Variants in BMP2 observed in about 807,000 individuals in gnomAD.
BMP2 encodes the protein bone morphogenetic protein 2A.
In BMP2, 2 loss-of-function variants were observed where a neutral mutation model predicts 28.8. That is an observed-to-expected ratio of 0.07 (90% confidence interval 0.03 to 0.22). The LOEUF (loss-of-function observed/expected upper bound fraction) is 0.22. Ranked by LOEUF, BMP2 falls within the 10% of genes least tolerant of loss-of-function variation. The pLI is 1.00. For missense variants in BMP2, 437 were observed against 517.7 expected (o/e 0.84, Z 1.51); for synonymous variants, 218 against 204.3 (o/e 1.07, Z -0.57).
At position 6,772,436 on chromosome 20, in the gene BMP2, A is replaced by C. The variant is rs768495682; in HGVS notation, c.346+1964A>C. Among the ~76,000 whole-genome samples the C allele has an allele frequency of 1.0e-3, 159 of 152,340 alleles. 1 individual carries two copies. The highest frequency in any genetic ancestry group is 1.7e-3 in the Non-Finnish European group (119 of 68,024). On this transcript the variant is annotated intron_variant, in intron 2 of 2. Transcript: ENST00000378827. ...CATTTCTTGTCTCATTATGACTAAT[A>C]TATCATCCTTAATCTGGATGGATAT...
chr20:6,775,545 CACTA>C (rs373366003), intron 2 of BMP2, among the ~76,000 whole-genome samples: 105 of 152,248 alleles, frequency 6.9e-4, no homozygotes, highest in African/African-American at 2.4e-3. Flanking sequence ...TTCTTAAGGC[CACTA>C]ACTGATTCTC....
rs1045169209 is a variant in BMP2 at position 6,779,881 on chromosome 20, C to A, written c.*792C>A. On this transcript the variant is annotated 3_prime_UTR_variant, in exon 3 of 3. Transcript: ENST00000378827. ...GGAAAGTGAATGATGGTTTGTTGTT[C>A]TTCTTTCCTAAATTAGTGATCCCTT... 2 of 152,232 alleles carry A rather than the reference C, an allele frequency of 1.3e-5. No individual in the cohort carries two copies. The highest frequency in any genetic ancestry group is 6.5e-5 in the Admixed American group (1 of 15,282). The allele number at this position is 152,232 out of a possible 1,614,324, so 9.4% of individuals were successfully genotyped here. A position where few individuals can be genotyped will look rare whatever the true frequency, so the allele number is the denominator to read the frequency against.
rs998225025 is a variant in BMP2, at chr20:6,768,648, C to G, written c.-235C>G. The G allele has an allele frequency of 1.0e-5, 4 of 396,324 alleles. No homozygotes were observed. The highest frequency in any genetic ancestry group is 6.2e-5 in the African/African-American group (3 of 48,588). 24.6% of individuals were successfully genotyped at this position (396,324 alleles called of 1,614,324 possible). On this transcript the variant is annotated 5_prime_UTR_variant, in exon 1 of 3. Transcript: ENST00000378827. ...CCCAGCGGAGCCTGCTTCGCCATCT[C>G]CGAGCCCCACCGCCCCTCCACTCCT...
chr20:6,778,336 C>T lies in BMP2; in HGVS notation c.438C>T (p.Thr146=), dbSNP rs745798532. Residue 146 remains threonine, a synonymous_variant, in exon 3 of 3, where the codon ACC becomes ACT. Transcript: ENST00000378827. This position sits in a 1 kb window ranked among gnomAD's most constrained non-coding sequence, Gnocchi z 5.0. ...LSSIPTEEFI[T]SAELQVFREQ... The stretch of plus-strand genomic sequence containing the variant: ...CTATCCCCACGGAGGAGTTTATCAC[C>T]TCAGCAGAGCTTCAGGTTTTCCGAG... 1.2e-5 allele frequency: 20 copies of T among 1,614,186 alleles called. No homozygotes were observed. Among genetic ancestry groups the T allele is most frequent in the Non-Finnish European group, 1.7e-5 (20 of 1,180,026 alleles).
Position 6,770,215 on chromosome 20 carries a change from G to T in BMP2, c.89G>T (p.Arg30Leu). Residue 30 changes from arginine to leucine, a missense_variant, in exon 2 of 3, where the codon CGC becomes CTC. Around this residue, in one of 2 missense-constraint regions of BMP2, gnomAD observed 363 missense variants for 392.8 expected, o/e 0.92. Coordinates refer to ENST00000378827, the MANE Select transcript of BMP2 (RefSeq NM_001200.4). ...GCTGGCCTCGTTCCGGAGCTGGGCC[G>T]CAGGAAGTTCGCGGCGGCGTCGTCG... ...GAAGLVPELG[R>L]RKFAAASSGR... The T allele has an allele frequency of 1.3e-6, 2 of 1,596,118 alleles. No homozygotes were observed. The highest frequency in any genetic ancestry group is 1.7e-6 in the Non-Finnish European group (2 of 1,172,322).
chr20:6,769,929 C>A (rs1448806088), intron 1 of BMP2, among the ~76,000 whole-genome samples, 191 bp from the exon 2 acceptor site: 4 of 152,124 alleles, frequency 2.6e-5, no homozygotes, highest in Admixed American at 2.6e-4. Flanking sequence ...TCATCTGGTT[C>A]AGGAACTTGG....
rs1024392861 is a variant in BMP2, at chr20:6,768,830, G to A, written c.-53G>A. ...TTTTCCATGTGGACGCTCTTTCAAT[G>A]GACGTGTCCCCGCGTGCTTCTTAGA... On this transcript the variant is annotated 5_prime_UTR_variant, in exon 1 of 3. It removes an upstream start codon present in the reference 5' UTR. Transcript: ENST00000378827. The A allele has an allele frequency of 2.5e-6, 1 of 398,632 alleles. No individual in the cohort carries two copies. The highest frequency in any genetic ancestry group is 4.4e-5 in the Admixed American group (1 of 22,742). 24.7% of individuals were successfully genotyped at this position (398,632 alleles called of 1,614,324 possible).
In BMP2 at chr20:6,779,472, G is replaced by A. The variant is rs1266923253; in HGVS notation, c.*383G>A. On this transcript the variant is annotated 3_prime_UTR_variant, in exon 3 of 3. Coordinates refer to ENST00000378827, the MANE Select transcript of BMP2 (RefSeq NM_001200.4). ...TTATATGTAATCAAAAGAAGTATCG[G>A]GTTTGTACATAATTTTCCAAAAATT... 3 of 152,516 alleles carry A rather than the reference G, an allele frequency of 2.0e-5. No homozygotes were observed. Among genetic ancestry groups the A allele is most frequent in the Admixed American group, 2.0e-4 (3 of 15,274 alleles). The allele number at this position is 152,516 out of a possible 1,614,324, so 9.4% of individuals were successfully genotyped here.
intron 1 of BMP2, among the ~76,000 whole-genome samples, chr20:6,769,352 C>T (rs1328460867): frequency 6.6e-6 from 1 of 152,088 alleles, no homozygotes; most frequent in Non-Finnish European, 1.5e-5. Context: ...GTTTGGGGTT[C>T]TCCCTACTTG....
Position 6,768,820 on chromosome 20 carries a change from C to T in BMP2, c.-63C>T, listed in dbSNP as rs1986321299. On this transcript the variant is annotated 5_prime_UTR_variant, in exon 1 of 3. Transcript: ENST00000378827. ...TGACCAGAGTTTTTCCATGTGGACG[C>T]TCTTTCAATGGACGTGTCCCCGCGT... 3 of 397,872 alleles carry T rather than the reference C, an allele frequency of 7.5e-6. No individual in the cohort carries two copies. Among genetic ancestry groups the T allele is most frequent in the Non-Finnish European group, 8.9e-6 (2 of 225,742 alleles). 24.6% of individuals were successfully genotyped at this position (397,872 alleles called of 1,614,324 possible).
rs1198178181 is a variant in BMP2, at chr20:6,768,184, G to A, written c.-699G>A. On this transcript the variant is annotated 5_prime_UTR_variant, in exon 1 of 3. Coordinates refer to ENST00000378827, the MANE Select transcript of BMP2 (RefSeq NM_001200.4). The stretch of plus-strand genomic sequence containing the variant: ...GGCGGCCCGGGACTCGGCTCGACTC[G>A]CCGGAGAATGCGCCCGAGGACGACG... 2.5e-6 allele frequency: 1 copy of A among 398,246 alleles called. No individual in the cohort carries two copies. Among genetic ancestry groups the A allele is most frequent in the Non-Finnish European group, 4.4e-6 (1 of 225,902 alleles). The allele number at this position is 398,246 out of a possible 1,614,324, so 24.7% of individuals were successfully genotyped here.
intron 1 of BMP2, among the ~76,000 whole-genome samples, chr20:6,769,810 C>T (rs1986351926): frequency 1.3e-5 from 2 of 152,076 alleles, no homozygotes; most frequent in African/African-American, 4.8e-5. Flanking sequence ...GCTGTCAGCG[C>T]TGTGTCACAC....
chr20:6,770,186 C>T lies in BMP2; in HGVS notation c.60C>T (p.Gly20=), dbSNP rs970071863. The T allele has an allele frequency of 2.1e-5, 33 of 1,583,264 alleles. No homozygotes were observed. Among genetic ancestry groups the T allele is most frequent in the Non-Finnish European group, 2.7e-5 (32 of 1,165,620 alleles). The part of the protein sequence containing the change: ...ALLLPQVLLG[G]AAGLVPELGR... The stretch of plus-strand genomic sequence containing the variant: ...TGCTTCCCCAGGTCCTCCTGGGCGG[C>T]GCGGCTGGCCTCGTTCCGGAGCTGG... The change falls in exon 2 of 3, where the codon GGC becomes GGT. Residue 20 remains glycine, a synonymous_variant. Transcript: ENST00000378827.
At chr20:6,771,340 A>G (rs1986394343) in intron 2 of BMP2, among the ~76,000 whole-genome samples, 1 of 152,208 alleles carries the variant, frequency 6.6e-6, no homozygotes, top group African/African-American at 2.4e-5. Context: ...TTAGTCAAAA[A>G]TATGTTCCAC....
At chr20:6,773,659 T>C (rs1461318889) in intron 2 of BMP2, among the ~76,000 whole-genome samples, 1 of 152,224 alleles carries the variant, frequency 6.6e-6, no homozygotes, top group Non-Finnish European at 1.5e-5. Flanking sequence ...ACAACCATGC[T>C]CTCTATTCCT....
In BMP2 at chr20:6,770,256, C is replaced by G. The variant is rs747516210; in HGVS notation, c.130C>G (p.Gln44Glu). The part of the protein sequence containing the change: ...AAASSGRPSS[Q>E]PSDEVLSEFE... ...GGCGTCGTCGGGCCGCCCCTCATCC[C>G]AGCCCTCTGACGAGGTCCTGAGCGA... Residue 44 changes from glutamine to glutamate, a missense_variant, in exon 2 of 3, where the codon CAG becomes GAG. This residue lies in a region of BMP2 where 363 missense variants were observed against 392.8 expected (regional missense o/e 0.92). Transcript: ENST00000378827. 1.2e-6 allele frequency: 2 copies of G among 1,611,146 alleles called. No homozygotes were observed. Among genetic ancestry groups the G allele is most frequent in the East Asian group, 4.5e-5 (2 of 44,654 alleles).
intron 2 of BMP2, among the ~76,000 whole-genome samples, chr20:6,777,940 C>T (rs1167129768): frequency 6.6e-6 from 1 of 151,488 alleles, no homozygotes; most frequent in Non-Finnish European, 1.5e-5. Context: ...TTCACCATTT[C>T]CCCCATTATT....
chr20:6,768,705 AG>A lies in BMP2; in HGVS notation c.-177del. 1 of 396,842 alleles carries A rather than the reference AG, an allele frequency of 2.5e-6. No individual in the cohort carries two copies. The highest frequency in any genetic ancestry group is 4.4e-6 in the Non-Finnish European group (1 of 225,250). The allele number at this position is 396,842 out of a possible 1,614,324, so 24.6% of individuals were successfully genotyped here. On this transcript the variant is annotated 5_prime_UTR_variant, in exon 1 of 3. Coordinates refer to ENST00000378827, the MANE Select transcript of BMP2 (RefSeq NM_001200.4). ...TGCCCGACACTGAGACGCTGTTCCC[AG>A]CGTGAAAAGAGAGACTGCGCGGCCG... is the stretch of plus-strand genomic sequence containing the variant.
chr20:6,769,872 C>T (rs1349001828), intron 1 of BMP2, among the ~76,000 whole-genome samples: 1 of 152,070 alleles, frequency 6.6e-6, no homozygotes, highest in Non-Finnish European at 1.5e-5. Flanking sequence ...GAGGGCAAAT[C>T]CCAAATCTGA....
Sources: gnomAD v4.1 joint callset for allele counts (sites outside exome capture counted in the v4.1 genomes callset) on GRCh38, gnomAD v4.1.1 for gene constraint, gnomAD v4.1.1 regional missense constraint, Gnocchi (gnomAD v3.1) non-coding constraint, MANE v1.5 for transcripts, NCBI Gene and HGNC (gene_info 2026-07-23, HGNC 2026-07-21) for gene names.